DOCK3: variants seen among roughly 807,000 people sequenced by gnomAD.
The protein encoded by DOCK3 is dedicator of cytokinesis protein 3.
In DOCK3, 60 loss-of-function variants were observed where a neutral mutation model predicts 265.6. That is an observed-to-expected ratio of 0.23 (90% CI 0.18 to 0.28). The LOEUF (loss-of-function observed/expected upper bound fraction) is 0.28. Among genes scored for constraint, DOCK3 ranks in the 10% least tolerant of loss-of-function variants. The pLI is 1.00. For synonymous variants in DOCK3, 881 were observed against 938.0 expected (o/e 0.94, Z 1.11); for missense variants, 1,981 against 2,594.3 (o/e 0.76, Z 5.14).
chr3:50,676,532 C>T (rs1383342120), intron 1 of DOCK3, among the ~76,000 whole-genome samples: 1 of 152,158 alleles, frequency 6.6e-6, no homozygotes, highest in Non-Finnish European at 1.5e-5. Context: ...TACCCCTTCT[C>T]TTAGAGTATT....
At chr3:51,275,233 T>G (rs2080748124) in intron 25 of DOCK3, 27 bp downstream of exon 25, 1 of 1,613,030 alleles carries the variant, frequency 6.2e-7, no homozygotes, top group Non-Finnish European at 8.5e-7. Flanking sequence ...CACTCCACCC[T>G]GTTCAGCTCT....
intron 23 of DOCK3, among the ~76,000 whole-genome samples, chr3:51,265,482 C>T (rs1022933760): frequency 3.9e-5 from 6 of 152,212 alleles, no homozygotes; most frequent in Non-Finnish European, 7.3e-5. Flanking sequence ...TCCAGCAGCA[C>T]ATCAAAAAGC....
At chr3:51,298,667 G>C (rs1458983985) in intron 27 of DOCK3, among the ~76,000 whole-genome samples, 1 of 152,104 alleles carries the variant, frequency 6.6e-6, no homozygotes, top group South Asian at 2.1e-4. Context: ...ACAGTATTTG[G>C]TTTTCTGTTC....
chr3:50,708,843 C>T (rs1301417058), intron 1 of DOCK3, among the ~76,000 whole-genome samples: 1 of 152,224 alleles, frequency 6.6e-6, no homozygotes, highest in Non-Finnish European at 1.5e-5. Flanking sequence ...CTTGTCACTT[C>T]TGTGCTGAAT....
intron 5 of DOCK3, among the ~76,000 whole-genome samples, chr3:50,934,752 G>A (rs1239598724): frequency 6.6e-6 from 1 of 151,676 alleles, no homozygotes. Flanking sequence ...AAAAAAAAAA[G>A]TAATAGTAAC....
intron 1 of DOCK3, among the ~76,000 whole-genome samples, chr3:50,745,562 C>T (rs1049653918): frequency 6.6e-5 from 10 of 152,144 alleles, no homozygotes; most frequent in African/African-American, 2.4e-4. Context: ...GTGATCAAAA[C>T]CAGGAACATG....
At chr3:50,931,066 C>T (rs986490285) in intron 4 of DOCK3, among the ~76,000 whole-genome samples, 2 of 152,242 alleles carry the variant, frequency 1.3e-5, no homozygotes, top group Admixed American at 6.5e-5. Flanking sequence ...AGGTAGGGCA[C>T]GGGAGACTCA....
rs183400749 is a variant in DOCK3, at chr3:50,678,844, C to G, written c.37+3544C>G. On this transcript the variant is annotated intron_variant, in intron 1 of 52. Transcript: ENST00000266037. ...TCTTTTTTTGAGACGGAGTCTTGCT[C>G]TGTCGTCCAGGCTGGAGTGCAGTGG... 2.1e-3 allele frequency among the ~76,000 whole-genome samples: 326 copies of G among 151,636 alleles called. 1 individual carries two copies. The highest frequency in any genetic ancestry group is 7.4e-3 in the African/African-American group (306 of 41,336).
At chr3:51,263,534 A>G (rs1409272338) in intron 23 of DOCK3, among the ~76,000 whole-genome samples, 2 of 152,252 alleles carry the variant, frequency 1.3e-5, no homozygotes, top group Non-Finnish European at 2.9e-5. Flanking sequence ...ATAACCAGCT[A>G]GCATCATAAT....
intron 4 of DOCK3, among the ~76,000 whole-genome samples, chr3:50,921,832 G>C (rs1385656785): frequency 6.6e-6 from 1 of 152,184 alleles, no homozygotes; most frequent in African/African-American, 2.4e-5. Context: ...TCCAGACCCT[G>C]TTTGCCTGGG....
chr3:51,355,253 T>A (rs2086286429), intron 41 of DOCK3, among the ~76,000 whole-genome samples: 1 of 152,202 alleles, frequency 6.6e-6, no homozygotes, highest in Non-Finnish European at 1.5e-5. Context: ...CAGTGGGGCT[T>A]CAGGAAGGCC....
At chr3:51,173,548 A>G (rs540848512) in intron 12 of DOCK3, among the ~76,000 whole-genome samples, 1 of 152,218 alleles carries the variant, frequency 6.6e-6, no homozygotes, top group Non-Finnish European at 1.5e-5. Context: ...GCTTTTGTTC[A>G]TCAAGATTAT....
chr3:50,752,921 A>G (rs1406092692), intron 1 of DOCK3, among the ~76,000 whole-genome samples: 2 of 152,204 alleles, frequency 1.3e-5, no homozygotes, highest in Non-Finnish European at 2.9e-5. Context: ...TTACTTTACA[A>G]AATACCAAAA....
At chr3:51,380,261 G>A in intron 52 of DOCK3, 54 bp downstream of exon 52, 2 of 1,525,464 alleles carry the variant, frequency 1.3e-6, no homozygotes, top group Non-Finnish European at 1.8e-6. Flanking sequence ...CATCTCGTCT[G>A]CTCTAGAACC....
rs563150514 is a variant in DOCK3 at position 50,954,836 on chromosome 3, T to A, written c.315+20759T>A. Among the ~76,000 whole-genome samples, 1,178 of 152,298 alleles carry A rather than the reference T, an allele frequency of 7.7e-3. 12 individuals carry two copies. The highest frequency in any genetic ancestry group is 0.027 in the African/African-American group (1,115 of 41,586). On this transcript the variant is annotated intron_variant, in intron 5 of 52. Coordinates refer to ENST00000266037, the MANE Select transcript of DOCK3 (RefSeq NM_004947.5). The stretch of plus-strand genomic sequence containing the variant: ...GAAGCTGTTAAGTTTAATTAGATCC[T>A]ATTTGTCAATTTTTACTTTTGTTGC...
At chr3:51,200,701 C>G (rs917771529) in intron 12 of DOCK3, among the ~76,000 whole-genome samples, 1 of 151,808 alleles carries the variant, frequency 6.6e-6, no homozygotes, top group African/African-American at 2.4e-5. Flanking sequence ...TCGAGAAGAG[C>G]AACTCCAAGA....
At chr3:51,217,557 C>A (rs2089855062) in intron 14 of DOCK3, among the ~76,000 whole-genome samples, 1 of 152,188 alleles carries the variant, frequency 6.6e-6, no homozygotes, top group South Asian at 2.1e-4. Flanking sequence ...GTTAGTTGAT[C>A]ACCATATTTC....
intron 1 of DOCK3, among the ~76,000 whole-genome samples, chr3:50,748,737 T>G: frequency 6.6e-6 from 1 of 152,206 alleles, no homozygotes; most frequent in East Asian, 1.9e-4. Flanking sequence ...TGCTACACCT[T>G]GTAGTATACT....
rs937253397 is a variant in DOCK3, at chr3:51,318,101, C to G, written c.3402+2973C>G. ...TGATTCTATAAATCAAATTGGGGGC[C>G]GGGCACAGTGGCTATGCCTGTAATC... On this transcript the variant is annotated intron_variant, in intron 32 of 52. Transcript: ENST00000266037. 3.9e-5 allele frequency among the ~76,000 whole-genome samples: 6 copies of G among 152,124 alleles called. No individual in the cohort carries two copies. The South Asian group carries it at 1.2e-3, about 32-fold the overall frequency.
Sources: gnomAD v4.1 joint callset for allele counts (sites outside exome capture counted in the v4.1 genomes callset) on GRCh38, gnomAD v4.1.1 for gene constraint, MANE v1.5 for transcripts, NCBI Gene and HGNC (gene_info 2026-07-23, HGNC 2026-07-21) for gene names.